SP2: variants seen among roughly 807,000 people sequenced by gnomAD.
SP2 encodes the protein Sp2 transcription factor.
SP2 carries 9 observed loss-of-function variants against 50.1 expected under a neutral mutation model. The observed-to-expected ratio is 0.18, with a 90% CI of 0.11 to 0.31. The LOEUF is 0.31. Among genes scored for constraint, SP2 ranks in the 10% least tolerant of loss-of-function variants. The probability of loss-of-function intolerance (pLI) is 1.00; values close to 1 mark genes in which losing one functional copy is unlikely to be tolerated. For missense variants in SP2, 581 were observed against 806.5 expected (o/e 0.72, Z 3.39); for synonymous variants, 313 against 326.6 (o/e 0.96, Z 0.45).
intron 1 of SP2, among the ~76,000 whole-genome samples, chr17:47,914,271 T>C (rs1352820332): frequency 3.3e-5 from 5 of 151,774 alleles, no homozygotes; most frequent in Admixed American, 2.6e-4. Flanking sequence ...CTCAGGAGGC[T>C]GAGACAGGAG....
At chr17:47,925,774 A>G (rs1160008036) in intron 6 of SP2, among the ~76,000 whole-genome samples, 2 of 152,284 alleles carry the variant, frequency 1.3e-5, no homozygotes, top group South Asian at 4.1e-4. Context: ...ACACAACCTG[A>G]TAACTTTTGC....
At chr17:47,924,182 G>A (rs1221226701) in intron 4 of SP2, among the ~76,000 whole-genome samples, 6 of 151,842 alleles carry the variant, frequency 4.0e-5, no homozygotes, top group Non-Finnish European at 8.8e-5. Context: ...CTGTCATCCA[G>A]GCTGAAGTGC....
chr17:47,922,509 A>G (rs1163927552), intron 3 of SP2, among the ~76,000 whole-genome samples: 1 of 150,074 alleles, frequency 6.7e-6, no homozygotes, highest in East Asian at 2.0e-4. Context: ...TTTTTCTGAT[A>G]ACAAAGACCA....
chr17:47,915,640 CAG>C (rs994873579), intron 2 of SP2, among the ~76,000 whole-genome samples: 3 of 152,136 alleles, frequency 2.0e-5, no homozygotes, highest in Admixed American at 6.5e-5. Flanking sequence ...AAAAGGAAAA[CAG>C]AGGCTTTCTC....
chr17:47,919,939 C>T (rs571330357), intron 3 of SP2, among the ~76,000 whole-genome samples: 2 of 147,652 alleles, frequency 1.4e-5, no homozygotes, highest in Admixed American at 1.4e-4. Context: ...TGGGTTCAAG[C>T]GATTCTCCTG....
intron 4 of SP2, among the ~76,000 whole-genome samples, chr17:47,924,627 G>A (rs1348185250): frequency 1.3e-5 from 2 of 152,130 alleles, no homozygotes; most frequent in Non-Finnish European, 2.9e-5. Context: ...CTTTGAAATG[G>A]GCTTCCTGGG....
rs949894949 is a variant in SP2 at position 47,928,585 on chromosome 17, C to T, written c.*761C>T. ...GCATATGAATTTTTTCTCACTCTAG[C>T]AATTCCCTTTTCTAAATGACACAGC... On this transcript the variant is annotated 3_prime_UTR_variant, in exon 7 of 7. Coordinates refer to ENST00000376741, the MANE Select transcript of SP2 (RefSeq NM_003110.6). 6.6e-6 allele frequency: 1 copy of T among 152,590 alleles called. No homozygotes were observed. The highest frequency in any genetic ancestry group is 6.5e-5 in the Admixed American group (1 of 15,274). The allele number at this position is 152,590 out of a possible 1,614,324, so 9.5% of individuals were successfully genotyped here.
At chr17:47,896,658 G>T (rs959059894) in intron 1 of SP2, among the ~76,000 whole-genome samples, 2 of 152,238 alleles carry the variant, frequency 1.3e-5, no homozygotes, top group African/African-American at 2.4e-5. Flanking sequence ...AACTATGCCT[G>T]GGTCGGCTCT....
rs530547098 is a variant in SP2, at chr17:47,922,256, C to T, written c.1060-706C>T. The stretch of plus-strand genomic sequence containing the variant: ...CGCCATTCCCTACCCACCACGGACA[C>T]CCTCCTCCCCGCTACAAATGCCCTC... On this transcript the variant is annotated intron_variant, in intron 3 of 6. Coordinates refer to ENST00000376741, the MANE Select transcript of SP2 (RefSeq NM_003110.6). 7.3e-3 allele frequency among the ~76,000 whole-genome samples: 1,110 copies of T among 152,294 alleles called. 4 individuals carry two copies. The highest frequency in any genetic ancestry group is 0.013 in the Non-Finnish European group (879 of 68,034).
intron 4 of SP2, among the ~76,000 whole-genome samples, chr17:47,923,927 C>G (rs1036119317): frequency 6.6e-6 from 1 of 152,080 alleles, no homozygotes; most frequent in Non-Finnish European, 1.5e-5. Context: ...GTCTTGAACT[C>G]CTGACCTGGT....
intron 4 of SP2, among the ~76,000 whole-genome samples, chr17:47,924,484 T>C (rs1489478910): frequency 6.6e-6 from 1 of 152,152 alleles, no homozygotes; most frequent in African/African-American, 2.4e-5. Flanking sequence ...AAAAGCAGAG[T>C]TGGTATCTCA....
At chr17:47,909,824 C>A in intron 1 of SP2, 1 of 334,048 alleles carries the variant, frequency 3.0e-6, no homozygotes, top group Non-Finnish European at 4.3e-6. Context: ...TCCAATCCTT[C>A]TCACTTTTGT....
chr17:47,921,575 T>C (rs537208708), intron 3 of SP2, among the ~76,000 whole-genome samples: 20 of 152,362 alleles, frequency 1.3e-4, no homozygotes, highest in African/African-American at 4.8e-4. Context: ...ATTCACTGGG[T>C]TATAATCTGT....
chr17:47,899,111 T>G (rs1383945822), intron 1 of SP2: 1 of 152,236 alleles, frequency 6.6e-6, no homozygotes, highest in Non-Finnish European at 1.5e-5. Context: ...AGACCTGTTG[T>G]AGGAGGAAAA....
rs775268877 is a variant in SP2, at chr17:47,915,396, G to A, written c.84+8G>A. On this transcript the variant is annotated splice_region_variant and intron_variant, in intron 2 of 6. Coordinates refer to ENST00000376741, the MANE Select transcript of SP2 (RefSeq NM_003110.6). ...GCCGCCTCCACCACCCAGGCGAGTA[G>A]GCAGTGGGCTCCGAGGGCTTGGGGC... 1 of 1,607,156 alleles carries A rather than the reference G, an allele frequency of 6.2e-7. No homozygotes were observed. The highest frequency in any genetic ancestry group is 1.1e-5 in the South Asian group (1 of 90,608).
In SP2 at chr17:47,927,931, C is replaced by A; in HGVS notation, c.*107C>A. The A allele has an allele frequency of 1.5e-6, 1 of 687,700 alleles. No homozygotes were observed. 42.6% of individuals were successfully genotyped at this position (687,700 alleles called of 1,614,324 possible). A position where few individuals can be genotyped will look rare whatever the true frequency, so the allele number is the denominator to read the frequency against. On this transcript the variant is annotated 3_prime_UTR_variant, in exon 7 of 7. Coordinates refer to ENST00000376741, the MANE Select transcript of SP2 (RefSeq NM_003110.6). ...GCTGCCTTGGGCCTGCCCTCAGCCC[C>A]ACTCCTGTTCTGCAACTGTCCCCAC...
chr17:47,903,547 A>G (rs2034629215), intron 1 of SP2, among the ~76,000 whole-genome samples: 1 of 152,004 alleles, frequency 6.6e-6, no homozygotes, highest in Admixed American at 6.6e-5. Context: ...GGCCCGTGTA[A>G]TCCCAGCTAC....
chr17:47,919,585 T>C (rs2035352839), intron 3 of SP2, among the ~76,000 whole-genome samples: 1 of 152,044 alleles, frequency 6.6e-6, no homozygotes, highest in Non-Finnish European at 1.5e-5. Context: ...ATTGCCACCA[T>C]GATCCCCCTT....
At position 47,916,455 on chromosome 17, in the gene SP2, C is replaced by T; in HGVS notation, c.384C>T (p.Ala128=). The T allele has an allele frequency of 2.5e-6, 4 of 1,614,124 alleles. No homozygotes were observed. The highest frequency in any genetic ancestry group is 3.4e-6 in the Non-Finnish European group (4 of 1,180,022). Residue 128 remains alanine, a synonymous_variant, in exon 3 of 7, where the codon GCC becomes GCT. Coordinates refer to ENST00000376741, the MANE Select transcript of SP2 (RefSeq NM_003110.6). This position sits in a 1 kb window ranked among gnomAD's most constrained non-coding sequence, Gnocchi z 4.7. The part of the protein sequence containing the change: ...TMINKGTRSN[A]NIQYQAVPQI... Reference sequence around the variant, plus strand: ...TCAACAAAGGGACCCGATCAAATGCCAATATCCAGTACCAGGCGGTCCCTC... The same window carrying T: ...TCAACAAAGGGACCCGATCAAATGCTAATATCCAGTACCAGGCGGTCCCTC...
Sources: gnomAD v4.1 joint callset for allele counts (sites outside exome capture counted in the v4.1 genomes callset) on GRCh38, gnomAD v4.1.1 for gene constraint, Gnocchi (gnomAD v3.1) non-coding constraint, MANE v1.5 for transcripts, NCBI Gene and HGNC (gene_info 2026-07-23, HGNC 2026-07-21) for gene names.